FREM2: variants seen among roughly 807,000 people sequenced by gnomAD.
FREM2 encodes the protein FRAS1-related extracellular matrix protein 2.
In FREM2, 119 loss-of-function variants were observed where a neutral mutation model predicts 219.9. The ratio of observed to expected loss-of-function variants is 0.54; its 90% CI spans 0.47 to 0.63. The LOEUF is 0.63. Among genes scored for constraint, FREM2 ranks in the 30% least tolerant of loss-of-function variants. The probability of loss-of-function intolerance (pLI) is 0.00; values close to 1 mark genes in which losing one functional copy is unlikely to be tolerated. For missense variants in FREM2, 4,030 were observed against 3,993.6 expected, an observed-to-expected ratio of 1.01 and a Z score of -0.25; for synonymous variants, 1,562 against 1,522.8, an observed-to-expected ratio of 1.03 and a Z score of -0.60.
rs1877879214 is a variant in FREM2, at chr13:38,864,383, C to G, written c.7760C>G (p.Thr2587Ser). Reference sequence around the variant, plus strand: ...AAGTGCTCCAACCTCCTGGATTATACTGAAGTGAAGACTCATTATGGTTTC... The same window carrying G: ...AAGTGCTCCAACCTCCTGGATTATAGTGAAGTGAAGACTCATTATGGTTTC... ...NHKCSNLLDY[T>S]EVKTHYGFLT... is the part of the protein sequence containing the mutation. The change falls in exon 16 of 24, where the codon ACT becomes AGT. Residue 2587 changes from threonine to serine, a missense_variant. Coordinates refer to ENST00000280481, the MANE Select transcript of FREM2 (RefSeq NM_207361.6). 6.2e-7 allele frequency: 1 copy of G among 1,613,898 alleles called. No homozygotes were observed. Among genetic ancestry groups the G allele is most frequent in the Admixed American group, 1.7e-5 (1 of 60,006 alleles).
intron 2 of FREM2, among the ~76,000 whole-genome samples, chr13:38,714,171 AT>A (rs1870889110): frequency 2.0e-5 from 3 of 152,270 alleles, no homozygotes; most frequent in African/African-American, 7.2e-5. Flanking sequence ...TGCCATGCAC[AT>A]AGTGGCTGGT....
rs1246409062 is a variant in FREM2 at position 38,784,730 on chromosome 13, C to T, written c.5941C>T (p.Leu1981=). 1.2e-6 allele frequency: 2 copies of T among 1,614,124 alleles called. No individual in the cohort carries two copies. Among genetic ancestry groups the T allele is most frequent in the Non-Finnish European group, 1.7e-6 (2 of 1,179,974 alleles). ...GGAGGAGGAAACCTTCCATGTCCTT[C>T]TGAGCATGCCCATGGGGGGAAGAAT... The part of the protein sequence containing the change: ...YEEEETFHVL[L]SMPMGGRIGS... Residue 1981 remains leucine, a synonymous_variant, in exon 6 of 24, where the codon CTG becomes TTG. Coordinates refer to ENST00000280481, the MANE Select transcript of FREM2 (RefSeq NM_207361.6).
chr13:38,839,304 G>T (rs867893897), intron 6 of FREM2, among the ~76,000 whole-genome samples: 1 of 152,178 alleles, frequency 6.6e-6, no homozygotes, highest in African/African-American at 2.4e-5. Context: ...GCAGAACAGC[G>T]AAGATTGCTG....
At chr13:38,803,200 C>T (rs75306158) in intron 6 of FREM2, among the ~76,000 whole-genome samples, 1,733 of 152,206 alleles carry the variant, frequency 0.011, 24 homozygotes, top group African/African-American at 0.039. Context: ...AGCTATATTA[C>T]CTCTCAATAA....
intron 11 of FREM2, among the ~76,000 whole-genome samples, chr13:38,855,608 T>G (rs1443085606): frequency 6.6e-6 from 1 of 152,168 alleles, no homozygotes. Context: ...AGACCATTAT[T>G]CTAAGTGAAG....
intron 3 of FREM2, among the ~76,000 whole-genome samples, chr13:38,767,741 C>T (rs977958553): frequency 2.6e-5 from 4 of 152,168 alleles, no homozygotes; most frequent in African/African-American, 9.7e-5. Context: ...AACCAGAGAG[C>T]TGTCAGGAAG....
intron 2 of FREM2, among the ~76,000 whole-genome samples, chr13:38,737,247 T>C (rs1872036276): frequency 6.6e-6 from 1 of 152,250 alleles, no homozygotes; most frequent in South Asian, 2.1e-4. Context: ...AATCAATTAA[T>C]GGATTTAGCT....
At position 38,764,041 on chromosome 13, in the gene FREM2, G is replaced by A. The variant is rs779252570; in HGVS notation, c.5264-263G>A. 7.7e-4 allele frequency among the ~76,000 whole-genome samples: 117 copies of A among 152,244 alleles called. 1 individual carries two copies. Among genetic ancestry groups the A allele is most frequent in the Admixed American group, 3.3e-3 (50 of 15,286 alleles). ...TTTAGGATTAAACTAAATAGCCTCT[G>A]GTAGTTGTGCACTTCCTACCCATTA... On this transcript the variant is annotated intron_variant, in intron 2 of 23. Coordinates refer to ENST00000280481, the MANE Select transcript of FREM2 (RefSeq NM_207361.6).
intron 16 of FREM2, among the ~76,000 whole-genome samples, chr13:38,869,761 TAAA>T (rs574556259): frequency 6.6e-6 from 1 of 152,180 alleles, no homozygotes; most frequent in Non-Finnish European, 1.5e-5. Flanking sequence ...GGGTTCACAA[TAAA>T]AAACACTTTA....
At chr13:38,702,177 C>T (rs972808100) in intron 2 of FREM2, among the ~76,000 whole-genome samples, 4 of 151,996 alleles carry the variant, frequency 2.6e-5, no homozygotes, top group African/African-American at 7.2e-5. Flanking sequence ...CATTTTTAAA[C>T]GCATGAAATT....
intron 2 of FREM2, among the ~76,000 whole-genome samples, chr13:38,729,550 G>C (rs1200595883): frequency 6.6e-6 from 1 of 151,872 alleles, no homozygotes; most frequent in Non-Finnish European, 1.5e-5. Context: ...GTCATCTTTA[G>C]TCTTACTAAA....
chr13:38,688,669 C>T lies in FREM2; in HGVS notation c.1325C>T (p.Thr442Ile), dbSNP rs760420418. The T allele has an allele frequency of 4.3e-6, 7 of 1,614,006 alleles. No homozygotes were observed. In the East Asian group the frequency reaches 1.3e-4, roughly 31 times the overall value. The change falls in exon 1 of 24, where the codon ACC becomes ATC. Residue 442 changes from threonine to isoleucine, a missense_variant. By Grantham distance (89) the Thr-to-Ile change is moderately conservative. Coordinates refer to ENST00000280481, the MANE Select transcript of FREM2 (RefSeq NM_207361.6). ...ATGAACACAATGGCTCCGGTGGTCACCCGGAATACCGGTCTTATTCTCTAT... is the reference window on the plus strand; with the variant it reads ...ATGAACACAATGGCTCCGGTGGTCATCCGGAATACCGGTCTTATTCTCTAT... ...KPMNTMAPVV[T>I]RNTGLILYEG...
At chr13:38,719,725 G>A (rs977138886) in intron 2 of FREM2, among the ~76,000 whole-genome samples, 2 of 151,896 alleles carry the variant, frequency 1.3e-5, no homozygotes, top group African/African-American at 4.8e-5. Flanking sequence ...ATATTCCATG[G>A]GTCAGAACAT....
chr13:38,720,346 T>G (rs994981531), intron 2 of FREM2, among the ~76,000 whole-genome samples: 5 of 152,340 alleles, frequency 3.3e-5, no homozygotes, highest in Non-Finnish European at 4.4e-5. Flanking sequence ...AGACTGACAC[T>G]AAATGTAGCC....
intron 6 of FREM2, among the ~76,000 whole-genome samples, chr13:38,839,922 C>A (rs1191566489): frequency 6.6e-6 from 1 of 152,122 alleles, no homozygotes; most frequent in East Asian, 1.9e-4. Flanking sequence ...TGAGCTAAAC[C>A]ACTTGGCTCC....
chr13:38,849,340 C>T (rs569943933), intron 8 of FREM2, among the ~76,000 whole-genome samples: 3 of 152,304 alleles, frequency 2.0e-5, no homozygotes, highest in South Asian at 4.1e-4. Context: ...TGGGTGGAAC[C>T]ATGTGGAACT....
intron 6 of FREM2, among the ~76,000 whole-genome samples, chr13:38,815,269 G>A (rs1189329376): frequency 1.3e-5 from 2 of 152,032 alleles, no homozygotes; most frequent in Non-Finnish European, 2.9e-5. Flanking sequence ...TAAGATCATT[G>A]TTTTGAAATT....
intron 6 of FREM2, among the ~76,000 whole-genome samples, chr13:38,796,025 G>A (rs1445604251): frequency 2.7e-5 from 4 of 148,836 alleles, no homozygotes; most frequent in Non-Finnish European, 4.4e-5. Flanking sequence ...TTTTTTTGTC[G>A]AAATGAGACT....
intron 6 of FREM2, among the ~76,000 whole-genome samples, chr13:38,808,823 A>T (rs995535382): frequency 1.1e-4 from 16 of 151,980 alleles, no homozygotes; most frequent in Non-Finnish European, 2.2e-4. Flanking sequence ...GTGAGAGCAC[A>T]TGCTGTTGGA....
Sources: allele counts gnomAD v4.1 joint callset (sites outside exome capture counted in the v4.1 genomes callset), GRCh38; gene constraint gnomAD v4.1.1; transcripts MANE v1.5; gene names NCBI Gene and HGNC (gene_info 2026-07-23, HGNC 2026-07-21).